TEX9: variants seen among roughly 807,000 people sequenced by gnomAD.
TEX9 encodes the protein testis-expressed protein 9.
TEX9 carries 74 observed loss-of-function variants against 59.6 expected under a neutral mutation model. That is an observed-to-expected ratio of 1.24 (90% CI 1.03 to 1.51). The LOEUF is 1.51. Ranked by LOEUF, TEX9 falls within the 40% of genes most tolerant of loss-of-function variation. TEX9 has a pLI of 0.00. For missense variants in TEX9, 522 were observed against 447.8 expected, an observed-to-expected ratio of 1.17 and a Z score of -1.49; for synonymous variants, 186 against 152.2, an observed-to-expected ratio of 1.22 and a Z score of -1.64.
At chr15:56,365,432 C>T (rs1164404049) in exon 1 of TEX9, 6 of 1,608,610 alleles carry the variant, frequency 3.7e-6, no homozygotes, top group Non-Finnish European at 4.2e-6. Context: ...CCTCGGTAAC[C>T]GCGTCGCAGT....
intron 1 of TEX9, among the ~76,000 whole-genome samples, chr15:56,355,641 A>C (rs977274643): frequency 2.0e-4 from 31 of 152,124 alleles, no homozygotes; most frequent in Middle Eastern, 3.2e-3. Context: ...ATAAATTTCT[A>C]CAAAAGTTTT....
At chr15:56,380,657 C>A (rs1368828409) in intron 3 of TEX9, among the ~76,000 whole-genome samples, 1 of 152,076 alleles carries the variant, frequency 6.6e-6, no homozygotes, top group Non-Finnish European at 1.5e-5. Context: ...TATTATCTTT[C>A]ATGTTTGAAG....
intron 9 of TEX9, 162 bp downstream of exon 9, chr15:56,394,996 T>C (rs1363622412): frequency 1.4e-6 from 1 of 697,726 alleles, no homozygotes; most frequent in African/African-American, 1.8e-5. Context: ...TTTATTGAGA[T>C]GTAATTCACC....
intron 1 of TEX9, among the ~76,000 whole-genome samples, chr15:56,328,283 G>T (rs2046068454): frequency 6.6e-6 from 1 of 152,024 alleles, no homozygotes; most frequent in East Asian, 1.9e-4. Flanking sequence ...TTCCTGGCAG[G>T]ACTCATCACC....
At chr15:56,293,934 A>G (rs1269535787) in intron 1 of TEX9, among the ~76,000 whole-genome samples, 1 of 152,202 alleles carries the variant, frequency 6.6e-6, no homozygotes, top group Admixed American at 6.5e-5. Flanking sequence ...ACAACTTTCT[A>G]TGAGTTCCAC....
chr15:56,290,621 A>T, intron 1 of TEX9, among the ~76,000 whole-genome samples: 1 of 151,914 alleles, frequency 6.6e-6, no homozygotes, highest in East Asian at 1.9e-4. Flanking sequence ...ATACCAGCTA[A>T]TTTTTTTAAT....
chr15:56,315,521 C>T (rs189849036), intron 1 of TEX9, among the ~76,000 whole-genome samples: 40 of 150,858 alleles, frequency 2.7e-4, no homozygotes, highest in African/African-American at 9.4e-4. Context: ...GAGAGATCCG[C>T]TGTTAGTCTG....
exon 11 of TEX9, chr15:56,427,641 T>G: frequency 6.5e-7 from 1 of 1,550,282 alleles, no homozygotes. Flanking sequence ...AATTGAAGTG[T>G]TAAAATCAGA....
chr15:56,330,059 GCTCCAATATGT>G (rs2046109319), intron 1 of TEX9, among the ~76,000 whole-genome samples: 1 of 151,944 alleles, frequency 6.6e-6, no homozygotes, highest in Admixed American at 6.6e-5. Flanking sequence ...ATAGAATGGA[GCTCCAATATGT>G]CTGGCAGCAG....
chr15:56,327,752 G>C (rs1351961060), intron 1 of TEX9, among the ~76,000 whole-genome samples: 1 of 152,124 alleles, frequency 6.6e-6, no homozygotes, highest in Non-Finnish European at 1.5e-5. Context: ...GCCAACACTG[G>C]GGAGAACTCA....
At chr15:56,376,045 G>A (rs1011831827) in intron 3 of TEX9, among the ~76,000 whole-genome samples, 15 of 143,410 alleles carry the variant, frequency 1.0e-4, no homozygotes, top group African/African-American at 3.6e-4. Context: ...CACAGGAAGG[G>A]GAACATCACA....
In TEX9 at chr15:56,303,392, T is replaced by A. The variant is rs10162824; in HGVS notation, c.-107+59114T>A. 2.9e-3 allele frequency among the ~76,000 whole-genome samples: 439 copies of A among 152,192 alleles called. 4 individuals carry two copies. Among genetic ancestry groups the A allele is most frequent in the African/African-American group, 0.01 (418 of 41,538 alleles). On this transcript the variant is annotated intron_variant, in intron 1 of 5. Coordinates refer to the TEX9 transcript ENST00000560827. Reference sequence around the variant, plus strand: ...ATAGAATAGAACTGGAAATTAATAATAAGAAATTTGGAAACTATACAGATA... The same window carrying A: ...ATAGAATAGAACTGGAAATTAATAAAAAGAAATTTGGAAACTATACAGATA...
chr15:56,454,060 ACT>A, the TEX9 span, among the ~76,000 whole-genome samples: 1 of 148,080 alleles, frequency 6.8e-6, no homozygotes, highest in Non-Finnish European at 1.5e-5. Flanking sequence ...AAATAAAAAC[ACT>A]CTTAGCAATT....
chr15:56,443,495 A>T (rs1216710313), intron 12 of TEX9: 2 of 1,600,474 alleles, frequency 1.2e-6, no homozygotes, highest in African/African-American at 1.3e-5. Flanking sequence ...ACTTGTTCCA[A>T]ATCTTCACGT....
In TEX9 at chr15:56,373,321, A is replaced by C. The variant is rs182317895; in HGVS notation, c.120-120A>C. ...ATGGCTGTGTTCATTTTAGAGTAAG[A>C]ATGCCATATGTATATTTTGGCATTT... On this transcript the variant is annotated intron_variant, in intron 2 of 12. Transcript: ENST00000352903. 4.9e-6 allele frequency: 4 copies of C among 815,842 alleles called. No homozygotes were observed. The East Asian group carries it at 1.3e-4, about 26-fold the overall frequency. 50.5% of individuals were successfully genotyped at this position (815,842 alleles called of 1,614,324 possible).
chr15:56,305,494 G>T (rs779471669), intron 1 of TEX9, among the ~76,000 whole-genome samples: 1 of 152,068 alleles, frequency 6.6e-6, no homozygotes, highest in East Asian at 1.9e-4. Context: ...ACTCATTTTT[G>T]ACAAAAATGC....
chr15:56,416,144 T>G (rs1377140780), intron 10 of TEX9, among the ~76,000 whole-genome samples: 1 of 151,870 alleles, frequency 6.6e-6, no homozygotes, highest in African/African-American at 2.4e-5. Flanking sequence ...TATGGGGTCT[T>G]CTAGATATAG....
At chr15:56,246,865 C>T (rs1422459080) in intron 1 of TEX9, among the ~76,000 whole-genome samples, 2 of 152,036 alleles carry the variant, frequency 1.3e-5, no homozygotes, top group Non-Finnish European at 2.9e-5. Context: ...CCCTCTGTTT[C>T]GATCTCTATA....
chr15:56,317,425 C>G (rs949137330), intron 1 of TEX9, among the ~76,000 whole-genome samples: 19 of 152,198 alleles, frequency 1.2e-4, no homozygotes, highest in African/African-American at 1.9e-4. Context: ...TTTCCCCTCT[C>G]TTTTCCTTTT....
Sources: allele counts gnomAD v4.1 joint callset (sites outside exome capture counted in the v4.1 genomes callset), GRCh38; gene constraint gnomAD v4.1.1; transcripts MANE v1.5; gene names NCBI Gene and HGNC (gene_info 2026-07-23, HGNC 2026-07-21).